The following ZNF362 variants were observed in gnomAD, a reference collection of about 807,000 sequenced individuals.
ZNF362 encodes rotund homolog.
Under a neutral mutation model 42.9 loss-of-function variants are expected in ZNF362, and 11 were observed. The observed-to-expected ratio is 0.26, with a 90% CI of 0.16 to 0.42. The LOEUF (loss-of-function observed/expected upper bound fraction) is 0.42, where lower values mean the gene tolerates loss of function less well. Among genes scored for constraint, ZNF362 ranks in the 20% least tolerant of loss-of-function variants. ZNF362 has a pLI of 1.00. For missense variants in ZNF362, 362 were observed against 576.2 expected, an observed-to-expected ratio of 0.63 and a Z score of 3.81; for synonymous variants, 255 against 257.3, an observed-to-expected ratio of 0.99 and a Z score of 0.09.
chr1:33,295,061 C>A (rs775940640), intron 7 of ZNF362, 46 bp downstream of exon 7: 2 of 1,610,948 alleles, frequency 1.2e-6, no homozygotes, highest in Non-Finnish European at 1.7e-6. Context: ...CTGGTGCCCC[C>A]CCACCCACCC....
chr1:33,255,766 C>A (rs1384533501), upstream of ZNF362, among the ~76,000 whole-genome samples: 2 of 152,038 alleles, frequency 1.3e-5, no homozygotes, highest in East Asian at 3.9e-4. Flanking sequence ...CCCCTATGTC[C>A]TCGTCTTAAA....
At chr1:33,199,345 G>A in the ZNF362 span, among the ~76,000 whole-genome samples, 1 of 151,886 alleles carries the variant, frequency 6.6e-6, no homozygotes, top group African/African-American at 2.4e-5. Flanking sequence ...TATAAACAAT[G>A]CAAACTAAGA....
chr1:33,206,505 G>A, the ZNF362 span, among the ~76,000 whole-genome samples: 2 of 152,176 alleles, frequency 1.3e-5, no homozygotes, highest in Non-Finnish European at 2.9e-5. Flanking sequence ...AAGCTGAGAT[G>A]GGAGGATCAC....
At chr1:33,173,030 T>C in the ZNF362 span, among the ~76,000 whole-genome samples, 2 of 152,172 alleles carry the variant, frequency 1.3e-5, no homozygotes, top group African/African-American at 4.8e-5. Flanking sequence ...TACTGCTCTC[T>C]CTTTCCCTCT....
the ZNF362 span, among the ~76,000 whole-genome samples, chr1:33,217,759 T>C: frequency 6.7e-6 from 1 of 148,766 alleles, no homozygotes; most frequent in Admixed American, 6.9e-5. Flanking sequence ...GGTAACAGTC[T>C]TCCAAGATAA....
Position 33,256,826 on chromosome 1 carries a change from AGCGGCG to A in ZNF362, c.-89+187_-89+192del, listed in dbSNP as rs551197216. On this transcript the variant is annotated intron_variant, in intron 1 of 8. Coordinates refer to ENST00000539719, the MANE Select transcript of ZNF362 (RefSeq NM_152493.3). ...CGCCTGCGCCTCGGGCCCGGCCCAG[AGCGGCG>A]GCGGCGGCGGCGGCAGCGGGGCGCG... Among the ~76,000 whole-genome samples the A allele has an allele frequency of 9.7e-5, 14 of 144,204 alleles. No homozygotes were observed. In the South Asian group the frequency reaches 2.6e-3, roughly 26 times the overall value. The allele number at this position is 144,204 out of a possible 152,430, so 94.6% of individuals were successfully genotyped here.
chr1:33,239,316 C>T, the ZNF362 span, among the ~76,000 whole-genome samples: 1 of 152,150 alleles, frequency 6.6e-6, no homozygotes, highest in South Asian at 2.1e-4. Flanking sequence ...CCCAAATGTT[C>T]CCTCTGGGGT....
At chr1:33,129,346 T>TA in the ZNF362 span, among the ~76,000 whole-genome samples, 3 of 152,298 alleles carry the variant, frequency 2.0e-5, no homozygotes, top group Admixed American at 1.3e-4. The surrounding 1 kb of genome is among the most constrained non-coding windows in gnomAD (Gnocchi z 4.1). Context: ...GGACCGGCCT[T>TA]ACAAACATTC....
the ZNF362 span, among the ~76,000 whole-genome samples, chr1:33,215,648 T>C: frequency 1.3e-5 from 2 of 152,168 alleles, no homozygotes; most frequent in African/African-American, 4.8e-5. Context: ...GGAGTATCCA[T>C]AGTCACTAAC....
At chr1:33,149,350 C>T in the ZNF362 span, among the ~76,000 whole-genome samples, 6 of 152,028 alleles carry the variant, frequency 3.9e-5, no homozygotes, top group South Asian at 4.1e-4. Context: ...GACAGGGTTT[C>T]GTCATGTTGG....
intron 8 of ZNF362, among the ~76,000 whole-genome samples, chr1:33,296,323 G>C (rs1036545535): frequency 2.0e-5 from 3 of 152,120 alleles, no homozygotes; most frequent in Admixed American, 2.0e-4. Flanking sequence ...GGATGACACA[G>C]AGGGGCTGAG....
intron 1 of ZNF362, among the ~76,000 whole-genome samples, 153 bp from the exon 2 acceptor site, chr1:33,270,334 C>G (rs1178111030): frequency 6.6e-6 from 1 of 152,208 alleles, no homozygotes; most frequent in Non-Finnish European, 1.5e-5. Context: ...GTTGGTCAAT[C>G]TCTCTGTGCT....
the ZNF362 span, chr1:33,176,533 G>C: frequency 6.8e-3 from 4,396 of 643,628 alleles, 214 homozygotes; most frequent in East Asian, 0.11. Context: ...CCCCTCTCTG[G>C]GGGTTAGGAA....
At chr1:33,224,776 G>C in the ZNF362 span, among the ~76,000 whole-genome samples, 1 of 152,130 alleles carries the variant, frequency 6.6e-6, no homozygotes, top group Non-Finnish European at 1.5e-5. Context: ...ACTGAAGAAA[G>C]ATATCAAGTC....
chr1:33,208,582 T>C, the ZNF362 span, among the ~76,000 whole-genome samples: 1 of 152,242 alleles, frequency 6.6e-6, no homozygotes, highest in Non-Finnish European at 1.5e-5. Flanking sequence ...TTCTTCCATT[T>C]GTTTGTGTCC....
the ZNF362 span, among the ~76,000 whole-genome samples, chr1:33,224,258 A>G: frequency 6.6e-6 from 1 of 152,218 alleles, no homozygotes; most frequent in Non-Finnish European, 1.5e-5. Context: ...TATAGAAATT[A>G]TCAAAAATGA....
At chr1:33,175,596 C>T in the ZNF362 span, among the ~76,000 whole-genome samples, 6 of 152,086 alleles carry the variant, frequency 3.9e-5, no homozygotes, top group Admixed American at 1.3e-4. Flanking sequence ...GGACAGTTGG[C>T]GTGTTGGGAA....
the ZNF362 span, among the ~76,000 whole-genome samples, chr1:33,191,848 G>A: frequency 2.0e-5 from 3 of 152,210 alleles, no homozygotes; most frequent in East Asian, 3.8e-4. Flanking sequence ...GTTGAGTGAT[G>A]AGATTTAACC....
chr1:33,229,055 G>C, the ZNF362 span, among the ~76,000 whole-genome samples: 1 of 151,984 alleles, frequency 6.6e-6, no homozygotes, highest in Non-Finnish European at 1.5e-5. Context: ...TGTAGGGCTT[G>C]TTCTCACATT....
Sources: allele counts gnomAD v4.1 joint callset (sites outside exome capture counted in the v4.1 genomes callset), GRCh38; gene constraint gnomAD v4.1.1; non-coding constraint Gnocchi (gnomAD v3.1); transcripts MANE v1.5; gene names NCBI Gene and HGNC (gene_info 2026-07-23, HGNC 2026-07-21).